Variants in PRRG1 observed in about 807,000 individuals in gnomAD.
PRRG1 encodes transmembrane gamma-carboxyglutamic acid protein 1.
A neutral mutation model predicts 11.8 loss-of-function variants in PRRG1; 5 were observed. That is an observed-to-expected ratio of 0.42 (90% CI 0.22 to 0.89). The LOEUF is 0.89. Among genes scored for constraint, PRRG1 ranks in the 40% least tolerant of loss-of-function variants. The probability of loss-of-function intolerance (pLI) is 0.28; values close to 1 mark genes in which losing one functional copy is unlikely to be tolerated. For synonymous variants in PRRG1, 66 were observed against 60.4 expected, an observed-to-expected ratio of 1.09 and a Z score of -0.43; for missense variants, 155 against 166.1, an observed-to-expected ratio of 0.93 and a Z score of 0.37.
chrX:37,352,630 C>G (rs376245162), intron 1 of PRRG1, among the ~76,000 whole-genome samples: 2 of 111,783 alleles, frequency 1.8e-5, no homozygotes, highest in East Asian at 5.6e-4. Context: ...TCTCAGGGTT[C>G]TGTTCAAAAC....
intron 1 of PRRG1, among the ~76,000 whole-genome samples, chrX:37,395,845 G>C (rs1931696851): frequency 9.0e-6 from 1 of 111,245 alleles, no homozygotes; most frequent in Non-Finnish European, 1.9e-5. Context: ...ATATATAAAA[G>C]AGCCTAACAT....
chrX:37,354,150 AC>A (rs1930159075), intron 1 of PRRG1, among the ~76,000 whole-genome samples: 1 of 111,221 alleles, frequency 9.0e-6, no homozygotes, highest in Non-Finnish European at 1.9e-5. Flanking sequence ...AGATTTCTGG[AC>A]CCCATACCCA....
At chrX:37,404,046 G>A (rs782200123) in intron 1 of PRRG1, among the ~76,000 whole-genome samples, 1 of 112,103 alleles carries the variant, frequency 8.9e-6, no homozygotes, top group Non-Finnish European at 1.9e-5. Context: ...GAAAATCCTG[G>A]CCCATGCCTG....
chrX:37,371,375 G>A (rs1347156716), intron 1 of PRRG1, among the ~76,000 whole-genome samples: 7 of 111,738 alleles, frequency 6.3e-5, no homozygotes, highest in Non-Finnish European at 1.1e-4. Flanking sequence ...TGCCTTGCTC[G>A]CCCTCCATTT....
chrX:37,420,668 C>CAAAAAAAAAAAAAAAA (rs1302856034), intron 2 of PRRG1, among the ~76,000 whole-genome samples: 12 of 29,363 alleles, frequency 4.1e-4, no homozygotes, highest in African/African-American at 5.7e-4. Context: ...CCCGTCTATG[C>CAAAAAAAAAAAAAAAA]AAAAAAAAAA....
At chrX:37,390,623 C>T (rs782075642) in intron 1 of PRRG1, among the ~76,000 whole-genome samples, 2 of 112,199 alleles carry the variant, frequency 1.8e-5, no homozygotes, top group Non-Finnish European at 3.8e-5. Context: ...CCTCACTCTG[C>T]TAATTCCAAA....
chrX:37,403,526 G>T (rs1162061800), intron 1 of PRRG1, among the ~76,000 whole-genome samples: 1 of 104,367 alleles, frequency 9.6e-6, no homozygotes, highest in East Asian at 3.1e-4. Flanking sequence ...TATACCTAAG[G>T]CTAAATGACG....
intron 3 of PRRG1, among the ~76,000 whole-genome samples, chrX:37,426,439 T>C (rs1018426386): frequency 2.7e-5 from 3 of 111,936 alleles, no homozygotes; most frequent in South Asian, 7.5e-4. Flanking sequence ...TCCTCTTTAC[T>C]TCTCTTTACT....
intron 3 of PRRG1, among the ~76,000 whole-genome samples, chrX:37,432,638 C>G (rs901733062): frequency 5.4e-5 from 6 of 112,038 alleles, no homozygotes; most frequent in African/African-American, 2.0e-4. Context: ...AAAGAAAACT[C>G]TCTTAACACA....
chrX:37,398,637 CTT>C (rs1164745608), intron 1 of PRRG1, among the ~76,000 whole-genome samples: 14 of 112,568 alleles, frequency 1.2e-4, no homozygotes, highest in African/African-American at 4.5e-4. Context: ...CAGAGAATGA[CTT>C]TGACGAGTTG....
At chrX:37,401,461 G>A (rs1165189535) in intron 1 of PRRG1, among the ~76,000 whole-genome samples, 8 of 110,822 alleles carry the variant, frequency 7.2e-5, no homozygotes, top group Non-Finnish European at 1.1e-4. Flanking sequence ...CTCTCAATAA[G>A]TTAGGTATTG....
Position 37,405,955 on chromosome X carries a change from C to G in PRRG1, c.-41-254C>G, listed in dbSNP as rs113323042. Among the ~76,000 whole-genome samples the G allele has an allele frequency of 0.047, 5,287 of 111,402 alleles. 306 individuals are homozygous for G. The highest frequency in any genetic ancestry group is 0.16 in the African/African-American group (4,913 of 30,533). ...AATTTGAGGATTGTTATTTGGCACA[C>G]GCAGAAACTAGTACCAGATAAAGAA... On this transcript the variant is annotated intron_variant, in intron 1 of 3. Transcript: ENST00000378628.
chrX:37,439,947 CTGCCACCA>C (rs782450714), intron 3 of PRRG1, among the ~76,000 whole-genome samples: 102 of 109,166 alleles, frequency 9.3e-4, no homozygotes, highest in African/African-American at 3.2e-3. Context: ...CTACATGTGC[CTGCCACCA>C]TGCCCGGCTA....
intron 1 of PRRG1, among the ~76,000 whole-genome samples, chrX:37,365,728 T>A (rs1456375812): frequency 2.7e-5 from 3 of 111,968 alleles, no homozygotes; most frequent in Non-Finnish European, 3.8e-5. Flanking sequence ...TTGTAGTGCC[T>A]CTGTTGTTTT....
At chrX:37,379,031 CTTTTTTTT>C (rs56857980) in intron 1 of PRRG1, among the ~76,000 whole-genome samples, 3 of 28,761 alleles carry the variant, frequency 1.0e-4, no homozygotes, top group African/African-American at 1.6e-4. Context: ...CATCTTTTTG[CTTTTTTTT>C]TTTTTTTTTT....
chrX:37,353,106 GGAT>G (rs1452070201), intron 1 of PRRG1, among the ~76,000 whole-genome samples: 1 of 111,655 alleles, frequency 9.0e-6, no homozygotes, highest in Non-Finnish European at 1.9e-5. Context: ...TTATCATAGG[GGAT>G]GATATCTCCA....
At chrX:37,392,672 AAAAG>A (rs1326864762) in intron 1 of PRRG1, among the ~76,000 whole-genome samples, 6 of 109,080 alleles carry the variant, frequency 5.5e-5, no homozygotes, top group East Asian at 2.8e-4. Flanking sequence ...AAAAAAAAAA[AAAAG>A]AAAGAAAGAA....
intron 3 of PRRG1, chrX:37,440,734 T>C: frequency 2.0e-6 from 1 of 506,857 alleles, no homozygotes; most frequent in Non-Finnish European, 3.5e-6. Flanking sequence ...TTAAAACTGT[T>C]GCATTCCACT....
intron 1 of PRRG1, among the ~76,000 whole-genome samples, chrX:37,387,551 G>C (rs1377700185): frequency 9.0e-6 from 1 of 111,202 alleles, no homozygotes; most frequent in African/African-American, 3.3e-5. Flanking sequence ...GAGAGAGAGG[G>C]GGGAGGTGCT....
Sources: gnomAD v4.1 joint callset for allele counts (sites outside exome capture counted in the v4.1 genomes callset) on GRCh38, gnomAD v4.1.1 for gene constraint, MANE v1.5 for transcripts, NCBI Gene and HGNC (gene_info 2026-07-23, HGNC 2026-07-21) for gene names.